The following KCNMA1 variants were observed in gnomAD, a reference collection of about 807,000 sequenced individuals.
KCNMA1 encodes Calcium-activated potassium channel subunit alpha-1.
A neutral mutation model predicts 140.0 loss-of-function variants in KCNMA1; 29 were observed. That is an observed-to-expected ratio of 0.21 (90% CI 0.15 to 0.28). KCNMA1 has a LOEUF of 0.28. KCNMA1 is among the 10% of genes least tolerant of loss of function. KCNMA1 has a pLI of 1.00. For missense variants in KCNMA1, 880 were observed against 1,602.2 expected (o/e 0.55, Z 7.70); for synonymous variants, 612 against 611.9 (o/e 1.00, Z 0.00).
At chr10:77,150,394 T>C (rs1002964039) in intron 5 of KCNMA1, among the ~76,000 whole-genome samples, 1 of 152,140 alleles carries the variant, frequency 6.6e-6, no homozygotes, top group Non-Finnish European at 1.5e-5. Flanking sequence ...CCCAGGAAAT[T>C]TATGTGAGCA....
At chr10:77,242,855 C>T (rs1477366422) in intron 3 of KCNMA1, among the ~76,000 whole-genome samples, 1 of 151,240 alleles carries the variant, frequency 6.6e-6, no homozygotes, top group Non-Finnish European at 1.5e-5. Context: ...TTCCCCCATG[C>T]TCTTCTTCTC....
At chr10:77,456,305 G>C (rs2097761687) in intron 1 of KCNMA1, among the ~76,000 whole-genome samples, 1 of 152,110 alleles carries the variant, frequency 6.6e-6, no homozygotes, top group South Asian at 2.1e-4. Flanking sequence ...TGGAAAGCTG[G>C]CTCCTTCTCA....
intron 5 of KCNMA1, among the ~76,000 whole-genome samples, chr10:77,179,351 G>C (rs1350779473): frequency 6.6e-6 from 1 of 152,132 alleles, no homozygotes; most frequent in African/African-American, 2.4e-5. Flanking sequence ...GTCCCAGATG[G>C]AGCAGGTCGG....
At chr10:77,243,421 G>A (rs973394208) in intron 3 of KCNMA1, among the ~76,000 whole-genome samples, 1 of 152,194 alleles carries the variant, frequency 6.6e-6, no homozygotes, top group African/African-American at 2.4e-5. Context: ...GCTTGTTGTA[G>A]AGGACAGAAG....
intron 10 of KCNMA1, among the ~76,000 whole-genome samples, chr10:77,088,838 C>T (rs934950330): frequency 6.6e-5 from 10 of 152,308 alleles, no homozygotes; most frequent in Middle Eastern, 3.4e-3. Flanking sequence ...GAAGCCTGCC[C>T]GGGTAATACC....
rs1468882374 is a variant in KCNMA1, at chr10:77,347,046, C to G, written c.540+56816G>C. On this transcript the variant is annotated intron_variant, in intron 2 of 27. Transcript: ENST00000286628. The stretch of plus-strand genomic sequence containing the variant: ...TTTGAATCTCAATGTCACAATCTGG[C>G]TTTATGACCTTGGGTGAGTCCCTTA... 2.6e-5 allele frequency among the ~76,000 whole-genome samples: 4 copies of G among 152,200 alleles called. 1 individual carries two copies. The East Asian group carries it at 7.7e-4, about 29-fold the overall frequency.
intron 3 of KCNMA1, among the ~76,000 whole-genome samples, chr10:77,223,272 T>C (rs2050267505): frequency 6.6e-6 from 1 of 151,976 alleles, no homozygotes; most frequent in Admixed American, 6.6e-5. Context: ...CCATTCATAG[T>C]GGTTGTAGTT....
At position 77,265,173 on chromosome 10, in the gene KCNMA1, TC is replaced by T. The variant is rs2063096059; in HGVS notation, c.541-13918del. ...TTCAAGTGATTCTCCTGTCTCAGCC[TC>T]CCAAGTACCTGGGATTACAGGTGTG... On this transcript the variant is annotated intron_variant, in intron 2 of 27. Transcript: ENST00000286628. Among the ~76,000 whole-genome samples the T allele has an allele frequency of 1.3e-5, 2 of 152,106 alleles. 1 individual carries two copies. Among genetic ancestry groups the T allele is most frequent in the Non-Finnish European group, 2.9e-5 (2 of 68,010 alleles).
chr10:77,463,802 T>C (rs920732579), intron 1 of KCNMA1, among the ~76,000 whole-genome samples: 21 of 151,884 alleles, frequency 1.4e-4, no homozygotes, highest in African/African-American at 4.3e-4. Flanking sequence ...GCCCAGGCCT[T>C]AGGAGCATGA....
chr10:77,473,563 G>T (rs1356441712), intron 1 of KCNMA1, among the ~76,000 whole-genome samples: 1 of 152,202 alleles, frequency 6.6e-6, no homozygotes, highest in Non-Finnish European at 1.5e-5. Context: ...TCACAAGATA[G>T]GAGGGGCCTC....
At chr10:77,389,135 A>C (rs997033444) in intron 2 of KCNMA1, among the ~76,000 whole-genome samples, 1 of 152,186 alleles carries the variant, frequency 6.6e-6, no homozygotes, top group African/African-American at 2.4e-5. Context: ...TCTAAAAGTT[A>C]ACCTACAAGG....
intron 1 of KCNMA1, among the ~76,000 whole-genome samples, chr10:77,409,674 G>A (rs1014870655): frequency 1.3e-5 from 2 of 152,190 alleles, no homozygotes; most frequent in Admixed American, 1.3e-4. Flanking sequence ...CTCTGGTCTA[G>A]CACAGGAGAG....
intron 1 of KCNMA1, among the ~76,000 whole-genome samples, chr10:77,464,023 A>T (rs2097929140): frequency 6.6e-6 from 1 of 152,140 alleles, no homozygotes; most frequent in Non-Finnish European, 1.5e-5. Context: ...ACCCCACCCT[A>T]GACCTCCCGA....
At chr10:77,402,992 G>T (rs1454378502) in intron 2 of KCNMA1, among the ~76,000 whole-genome samples, 3 of 152,124 alleles carry the variant, frequency 2.0e-5, no homozygotes, top group Admixed American at 6.5e-5. Flanking sequence ...TAGAGCATGG[G>T]CCTGGCTATG....
intron 3 of KCNMA1, among the ~76,000 whole-genome samples, chr10:77,226,442 G>A (rs1369871224): frequency 1.3e-5 from 2 of 151,826 alleles, no homozygotes; most frequent in Admixed American, 6.6e-5. Context: ...TGTCTTCACT[G>A]GGAGACGTCC....
At chr10:77,315,374 A>G (rs969404107) in intron 2 of KCNMA1, 1 of 152,220 alleles carries the variant, frequency 6.6e-6, no homozygotes, top group Non-Finnish European at 1.5e-5. Context: ...GAGCATGCTG[A>G]TAACTATTAC....
Position 77,592,467 on chromosome 10 carries a change from A to T in KCNMA1, c.378+44798T>A, listed in dbSNP as rs532722099. Among the ~76,000 whole-genome samples the T allele has an allele frequency of 4.6e-5, 7 of 152,368 alleles. No individual in the cohort carries two copies. In the South Asian group the frequency reaches 1.4e-3, roughly 32 times the overall value. On this transcript the variant is annotated intron_variant, in intron 1 of 27. Transcript: ENST00000286628. Reference sequence around the variant, plus strand: ...CTTTTCTATAGTGATGTAAGATGTGAACAATTACGGGAAACTGGCTAACAG... The same window carrying T: ...CTTTTCTATAGTGATGTAAGATGTGTACAATTACGGGAAACTGGCTAACAG...
intron 14 of KCNMA1, among the ~76,000 whole-genome samples, chr10:77,048,760 A>T (rs960764988): frequency 1.3e-5 from 2 of 152,146 alleles, no homozygotes; most frequent in Non-Finnish European, 2.9e-5. Flanking sequence ...AGAGGAGAAC[A>T]TGACTTTTTT....
At chr10:77,343,546 C>T (rs886637173) in intron 2 of KCNMA1, among the ~76,000 whole-genome samples, 26 of 152,276 alleles carry the variant, frequency 1.7e-4, no homozygotes, top group African/African-American at 6.3e-4. Flanking sequence ...ATTTCATTCA[C>T]ATTTTTATCA....
Sources: allele counts gnomAD v4.1 joint callset (sites outside exome capture counted in the v4.1 genomes callset), GRCh38; gene constraint gnomAD v4.1.1; transcripts MANE v1.5; gene names NCBI Gene and HGNC (gene_info 2026-07-23, HGNC 2026-07-21).